Variants in KCNMA1 observed in about 807,000 individuals in gnomAD.
KCNMA1 encodes Calcium-activated potassium channel subunit alpha-1.
A neutral mutation model predicts 140.0 loss-of-function variants in KCNMA1; 29 were observed. The ratio of observed to expected loss-of-function variants is 0.21; its 90% CI spans 0.15 to 0.28. KCNMA1 has a LOEUF of 0.28. Ranked by LOEUF, KCNMA1 falls within the 10% of genes least tolerant of loss-of-function variation. The pLI is 1.00. For missense variants in KCNMA1, 880 were observed against 1,602.2 expected, an observed-to-expected ratio of 0.55 and a Z score of 7.70; for synonymous variants, 612 against 611.9, an observed-to-expected ratio of 1.00 and a Z score of 0.00.
At position 76,885,266 on chromosome 10, in the gene KCNMA1, A is replaced by G; in HGVS notation, c.*2000T>C. The G allele has an allele frequency of 3.5e-6, 2 of 568,534 alleles. No homozygotes were observed. The highest frequency in any genetic ancestry group is 4.4e-6 in the Non-Finnish European group (2 of 450,832). 35.2% of individuals were successfully genotyped at this position (568,534 alleles called of 1,614,324 possible). On this transcript the variant is annotated 3_prime_UTR_variant, in exon 28 of 28. Transcript: ENST00000286628. ...ATATATATATAATTATATATAGTTT[A>G]TATAAAGAGATAGTTATACATAATA...
intron 1 of KCNMA1, among the ~76,000 whole-genome samples, chr10:77,564,441 T>G (rs34664075): frequency 0.16 from 24,602 of 152,026 alleles, 2,220 homozygotes; most frequent in Middle Eastern, 0.24. Context: ...GGTATTTTTT[T>G]TACAGGTGGC....
intron 9 of KCNMA1, among the ~76,000 whole-genome samples, chr10:77,095,849 T>C (rs1229274261): frequency 6.6e-6 from 1 of 152,124 alleles, no homozygotes; most frequent in Non-Finnish European, 1.5e-5. Context: ...GGGAAGTGAC[T>C]TAAGGCAGAA....
At chr10:76,915,902 T>G (rs1440662301) in intron 23 of KCNMA1, among the ~76,000 whole-genome samples, 1 of 152,074 alleles carries the variant, frequency 6.6e-6, no homozygotes, top group African/African-American at 2.4e-5. Flanking sequence ...CATAACTAAC[T>G]TAGTGATATT....
intron 2 of KCNMA1, among the ~76,000 whole-genome samples, chr10:77,372,479 T>C (rs1305017196): frequency 1.3e-5 from 2 of 152,326 alleles, no homozygotes; most frequent in Middle Eastern, 3.4e-3. Context: ...CCCAGTTCAG[T>C]GTTCCTCTCT....
intron 14 of KCNMA1, among the ~76,000 whole-genome samples, chr10:77,048,000 ACAGGCCAGGCACTGGCT>A (rs1233509996): frequency 6.6e-6 from 1 of 151,950 alleles, no homozygotes; most frequent in Non-Finnish European, 1.5e-5. Flanking sequence ...AAAATGAATT[ACAGGCCAGGCACTGGCT>A]CACGCCTGTA....
chr10:76,957,970 C>T (rs79537439), intron 20 of KCNMA1, among the ~76,000 whole-genome samples: 9,931 of 152,246 alleles, frequency 0.065, 483 homozygotes, highest in Admixed American at 0.16. Flanking sequence ...TTAGGCTGGC[C>T]TGTGCTGCAG....
chr10:77,177,816 G>A (rs541965854), intron 5 of KCNMA1, among the ~76,000 whole-genome samples: 4 of 152,052 alleles, frequency 2.6e-5, no homozygotes, highest in African/African-American at 4.8e-5. Flanking sequence ...TTGCAATTAC[G>A]GGCTTAATTA....
chr10:77,609,400 C>T (rs2085894084), intron 1 of KCNMA1, among the ~76,000 whole-genome samples: 1 of 152,124 alleles, frequency 6.6e-6, no homozygotes, highest in African/African-American at 2.4e-5. Context: ...AAAAGTTGAG[C>T]TCATAGGAGC....
intron 1 of KCNMA1, among the ~76,000 whole-genome samples, chr10:77,547,754 C>G (rs1230734071): frequency 2.6e-5 from 4 of 152,156 alleles, no homozygotes; most frequent in African/African-American, 7.2e-5. Context: ...AAGCAGCACC[C>G]AAGACTAGCA....
intron 14 of KCNMA1, among the ~76,000 whole-genome samples, chr10:77,068,972 C>T (rs909325382): frequency 6.6e-6 from 1 of 151,770 alleles, no homozygotes; most frequent in African/African-American, 2.4e-5. Context: ...GCAGGCCATG[C>T]CCCAACTTGA....
chr10:77,282,570 G>A (rs1361221555), intron 2 of KCNMA1, among the ~76,000 whole-genome samples: 1 of 152,152 alleles, frequency 6.6e-6, no homozygotes, highest in Non-Finnish European at 1.5e-5. Flanking sequence ...CATAAACTGT[G>A]GGACTTTGTT....
chr10:77,464,410 A>G (rs191276041), intron 1 of KCNMA1, among the ~76,000 whole-genome samples: 1 of 152,304 alleles, frequency 6.6e-6, no homozygotes, highest in African/African-American at 2.4e-5. Context: ...CACTGCAGTC[A>G]GGAAGAAGAC....
chr10:76,906,839 C>G lies in KCNMA1; in HGVS notation c.3147+3127G>C, dbSNP rs924543627. ...AAAGAAATCACAGGTAACATTTTACCAAAACGTCTGGATCCAACTAGATTT... is the reference window on the plus strand; with the variant it reads ...AAAGAAATCACAGGTAACATTTTACGAAAACGTCTGGATCCAACTAGATTT... On this transcript the variant is annotated intron_variant, in intron 25 of 27. Transcript: ENST00000286628. Among the ~76,000 whole-genome samples the G allele has an allele frequency of 2.6e-5, 4 of 152,104 alleles. No individual in the cohort carries two copies. The East Asian group carries it at 5.8e-4, about 22-fold the overall frequency.
intron 16 of KCNMA1, chr10:77,019,339 C>T: frequency 1.9e-6 from 1 of 528,538 alleles, no homozygotes; most frequent in Admixed American, 3.2e-5. Flanking sequence ...GAAATCAAAG[C>T]AAATCAAGGT....
chr10:76,953,981 A>T (rs1295242624), intron 20 of KCNMA1, 57 bp from the exon 21 acceptor site: 3 of 1,582,114 alleles, frequency 1.9e-6, no homozygotes, highest in Admixed American at 1.7e-5. Flanking sequence ...TATAAATGGA[A>T]AGTGCCCCCT....
chr10:77,237,528 G>A (rs2055928941), intron 3 of KCNMA1, among the ~76,000 whole-genome samples: 1 of 152,120 alleles, frequency 6.6e-6, no homozygotes, highest in African/African-American at 2.4e-5. Context: ...TGCAACCAGG[G>A]CTCACTTCTG....
In KCNMA1 at chr10:77,307,055, T is replaced by G. The variant is rs533155247; in HGVS notation, c.541-55799A>C. The stretch of plus-strand genomic sequence containing the variant: ...CCCCAGACCAGTTGACACTCTCAAC[T>G]TGCAAAAGAACACATGAGGTAGAAT... On this transcript the variant is annotated intron_variant, in intron 2 of 27. Coordinates refer to ENST00000286628, the MANE Select transcript of KCNMA1 (RefSeq NM_001161352.2). 3.9e-5 allele frequency among the ~76,000 whole-genome samples: 6 copies of G among 152,326 alleles called. No homozygotes were observed. In the South Asian group the frequency reaches 1.2e-3, roughly 32 times the overall value.
intron 2 of KCNMA1, among the ~76,000 whole-genome samples, chr10:77,282,091 T>C (rs984958044): frequency 1.3e-5 from 2 of 152,204 alleles, no homozygotes; most frequent in Admixed American, 6.5e-5. Context: ...AACATGCTCT[T>C]AGCAAATTTT....
At chr10:77,054,957 A>C (rs778066300) in intron 14 of KCNMA1, among the ~76,000 whole-genome samples, 3 of 152,202 alleles carry the variant, frequency 2.0e-5, no homozygotes, top group Non-Finnish European at 4.4e-5. Context: ...GATTAAAAAA[A>C]AAATAGGTGA....
Sources: allele counts gnomAD v4.1 joint callset (sites outside exome capture counted in the v4.1 genomes callset), GRCh38; gene constraint gnomAD v4.1.1; transcripts MANE v1.5; gene names NCBI Gene and HGNC (gene_info 2026-07-23, HGNC 2026-07-21).